Variants in SH3GLB2 observed in about 807,000 individuals in gnomAD.
SH3GLB2 encodes endophilin-B2.
SH3GLB2 carries 24 observed loss-of-function variants against 48.0 expected under a neutral mutation model. That is an observed-to-expected ratio of 0.50 (90% CI 0.36 to 0.70). The LOEUF is 0.70. Ranked by LOEUF, SH3GLB2 falls within the 30% of genes least tolerant of loss-of-function variation. The pLI is 0.00. For synonymous variants in SH3GLB2, 227 were observed against 207.6 expected, an observed-to-expected ratio of 1.09 and a Z score of -0.80; for missense variants, 425 against 516.0, an observed-to-expected ratio of 0.82 and a Z score of 1.71.
intron 5 of SH3GLB2, chr9:129,013,899 A>T: frequency 2.6e-6 from 1 of 379,880 alleles, no homozygotes; most frequent in South Asian, 1.9e-5. Context: ...GCTGGGAGTG[A>T]AGGGGGCGCC....
intron 1 of SH3GLB2, among the ~76,000 whole-genome samples, chr9:129,027,548 A>G (rs1844230970): frequency 6.6e-6 from 1 of 152,144 alleles, no homozygotes; most frequent in East Asian, 1.9e-4. Flanking sequence ...AGGCCCAGGG[A>G]CCAAGGAAAC....
chr9:129,010,792 T>C, intron 6 of SH3GLB2, 99 bp from the exon 7 acceptor site: 1 of 1,413,536 alleles, frequency 7.1e-7, no homozygotes. Flanking sequence ...ACTCAACTTC[T>C]GCCCCCCTGC....
chr9:129,024,797 C>A (rs1029057433), intron 1 of SH3GLB2, among the ~76,000 whole-genome samples: 1 of 151,426 alleles, frequency 6.6e-6, no homozygotes, highest in Admixed American at 6.6e-5. Flanking sequence ...GGTGAAACCC[C>A]ATCTCTACTA....
chr9:129,022,144 C>T, intron 2 of SH3GLB2, 138 bp downstream of exon 2: 1 of 1,337,610 alleles, frequency 7.5e-7, no homozygotes, highest in Non-Finnish European at 1.0e-6. Flanking sequence ...TGTCCCTCTT[C>T]AACAGCCTTG....
At chr9:129,009,401 G>A in intron 9 of SH3GLB2, 55 bp from the exon 10 acceptor site, 2 of 1,550,606 alleles carry the variant, frequency 1.3e-6, no homozygotes, top group South Asian at 2.4e-5. Flanking sequence ...GACCCCAGAG[G>A]CAAACTCCCC....
chr9:129,010,625 G>A (rs781199312), intron 7 of SH3GLB2, 45 bp downstream of exon 7: 5 of 1,605,838 alleles, frequency 3.1e-6, no homozygotes, highest in South Asian at 1.1e-5. Context: ...CCTGCACCCC[G>A]CCACCCCTTC....
intron 1 of SH3GLB2, 37 bp downstream of exon 1, chr9:129,028,055 C>G (rs1027218520): frequency 6.7e-7 from 1 of 1,492,992 alleles, no homozygotes; most frequent in Non-Finnish European, 8.9e-7. Flanking sequence ...CGCCGCACAT[C>G]CGGGCCCCCG....
At position 129,009,804 on chromosome 9, in the gene SH3GLB2, C is replaced by T. The variant is rs780663644; in HGVS notation, c.806G>A (p.Arg269His). 42 of 1,613,752 alleles carry T rather than the reference C, an allele frequency of 2.6e-5. No individual in the cohort carries two copies. Among genetic ancestry groups the T allele is most frequent in the Admixed American group, 5.0e-5 (3 of 59,948 alleles). ...CTGCTTCTGCAAGTCCAGCATGTGGCGGTAGCACTGTGCGTAGTAGGTTGT... is the reference window on the plus strand; with the variant it reads ...CTGCTTCTGCAAGTCCAGCATGTGGTGGTAGCACTGTGCGTAGTAGGTTGT... ...SQTTYYAQCY[R>H]HMLDLQKQLG... Residue 269 changes from arginine to histidine, a missense_variant, in exon 9 of 11, where the codon CGC (arginine) becomes CAC (histidine). Coordinates refer to ENST00000372564, the MANE Select transcript of SH3GLB2 (RefSeq NM_020145.4).
chr9:129,013,897 T>A (rs1033595420), intron 5 of SH3GLB2: 2 of 367,556 alleles, frequency 5.4e-6, no homozygotes, highest in Non-Finnish European at 1.1e-5. Flanking sequence ...GAGCTGGGAG[T>A]GAAGGGGGCG....
chr9:129,026,605 G>A (rs1415984132), intron 1 of SH3GLB2, among the ~76,000 whole-genome samples: 1 of 151,962 alleles, frequency 6.6e-6, no homozygotes, highest in African/African-American at 2.4e-5. Context: ...CAGTGACCCT[G>A]TGGGGCAGCT....
At position 129,014,342 on chromosome 9, in the gene SH3GLB2, T is replaced by C; in HGVS notation, c.561+69A>G. 1 of 1,434,010 alleles carries C rather than the reference T, an allele frequency of 7.0e-7. No homozygotes were observed. Among genetic ancestry groups the C allele is most frequent in the Non-Finnish European group, 9.5e-7 (1 of 1,047,552 alleles). 88.8% of individuals were successfully genotyped at this position (1,434,010 alleles called of 1,614,324 possible). ...AGGTCATGCCAAATACCAGGTCCCT[T>C]CATGCCACCACCCCTTGGCTCCAGC... On this transcript the variant is annotated intron_variant, in intron 5 of 10. Transcript: ENST00000372564. The surrounding 1 kb of genome is among the most constrained non-coding windows in gnomAD (Gnocchi z 4.1).
In SH3GLB2 at chr9:129,007,869, C is replaced by T. The variant is rs1309178098; in HGVS notation, c.*815G>A. ...AGGAACAGCACTGCCCTCTGAGAGGCACAGGCCCCGCAGAAGACAGGGAGG... is the reference window on the plus strand; with the variant it reads ...AGGAACAGCACTGCCCTCTGAGAGGTACAGGCCCCGCAGAAGACAGGGAGG... On this transcript the variant is annotated 3_prime_UTR_variant, in exon 11 of 11. Transcript: ENST00000372564. 4.6e-5 allele frequency: 7 copies of T among 152,236 alleles called. No individual in the cohort carries two copies. The highest frequency in any genetic ancestry group is 1.7e-4 in the African/African-American group (7 of 41,454). The allele number at this position is 152,236 out of a possible 1,614,324, so 9.4% of individuals were successfully genotyped here.
chr9:129,018,038 G>C (rs925166229), intron 3 of SH3GLB2, among the ~76,000 whole-genome samples: 4 of 152,100 alleles, frequency 2.6e-5, no homozygotes, highest in Non-Finnish European at 4.4e-5. Flanking sequence ...CTTGCAGTGA[G>C]CCCAGATGGC....
Position 129,011,580 on chromosome 9 carries a change from C to T in SH3GLB2, c.624+656G>A, listed in dbSNP as rs1043708620. 2 of 152,322 alleles carry T rather than the reference C, an allele frequency of 1.3e-5. No homozygotes were observed. Among genetic ancestry groups the T allele is most frequent in the African/African-American group, 4.8e-5 (2 of 41,380 alleles). 9.4% of individuals were successfully genotyped at this position (152,322 alleles called of 1,614,324 possible). On this transcript the variant is annotated intron_variant, in intron 6 of 10. Coordinates refer to ENST00000372564, the MANE Select transcript of SH3GLB2 (RefSeq NM_020145.4). The surrounding 1 kb of genome is among the most constrained non-coding windows in gnomAD (Gnocchi z 4.5). ...GACAAGCATGAGGGAGAGGTGTGGC[C>T]TAGTCCCCAAACTACATAGGAAACA...
intron 1 of SH3GLB2, among the ~76,000 whole-genome samples, chr9:129,024,584 G>T (rs936632777): frequency 1.3e-5 from 2 of 151,216 alleles, no homozygotes; most frequent in Admixed American, 1.3e-4. Flanking sequence ...TTAGCTGGGC[G>T]TGGTGGCACC....
At position 129,010,216 on chromosome 9, in the gene SH3GLB2, A is replaced by G. The variant is rs1225703498; in HGVS notation, c.649-7T>C. The G allele has an allele frequency of 6.2e-7, 1 of 1,612,260 alleles. No individual in the cohort carries two copies. The highest frequency in any genetic ancestry group is 1.7e-5 in the Admixed American group (1 of 59,974). On this transcript the variant is annotated splice_polypyrimidine_tract_variant and splice_region_variant and intron_variant, in intron 7 of 10. Coordinates refer to ENST00000372564, the MANE Select transcript of SH3GLB2 (RefSeq NM_020145.4). ...CGCGGAGCTCCTGCTCGGCCTGGGC[A>G]GGGCAGGGCAGCCATGAGCACCCAC...
rs1843113679 is a variant in SH3GLB2 at position 129,011,400 on chromosome 9, T to A, written c.625-707A>T. On this transcript the variant is annotated intron_variant, in intron 6 of 10. Coordinates refer to ENST00000372564, the MANE Select transcript of SH3GLB2 (RefSeq NM_020145.4). The surrounding 1 kb of genome is among the most constrained non-coding windows in gnomAD (Gnocchi z 4.5). Reference sequence around the variant, plus strand: ...CGTCCAGGAGCACTGGAAGTTGCTGTGAGAGCCAACTAGGGTTGGCGGCCT... The same window carrying A: ...CGTCCAGGAGCACTGGAAGTTGCTGAGAGAGCCAACTAGGGTTGGCGGCCT... 6.6e-6 allele frequency: 1 copy of A among 152,090 alleles called. No individual in the cohort carries two copies. The highest frequency in any genetic ancestry group is 1.5e-5 in the Non-Finnish European group (1 of 68,082). The allele number at this position is 152,090 out of a possible 1,614,324, so 9.4% of individuals were successfully genotyped here. A position where few individuals can be genotyped will look rare whatever the true frequency, so the allele number is the denominator to read the frequency against.
intron 2 of SH3GLB2, 75 bp from the exon 3 acceptor site, chr9:129,021,294 C>T: frequency 6.8e-7 from 1 of 1,469,734 alleles, no homozygotes; most frequent in Non-Finnish European, 9.0e-7. Flanking sequence ...CAGACCCAGA[C>T]CCGGCCCTGC....
At chr9:129,012,020 A>T (rs1330548297) in intron 6 of SH3GLB2, 1 of 396,416 alleles carries the variant, frequency 2.5e-6, no homozygotes, top group South Asian at 1.4e-4. Context: ...GCAGAGGGAA[A>T]CAAGTCCAGC....
Sources: allele counts gnomAD v4.1 joint callset (sites outside exome capture counted in the v4.1 genomes callset), GRCh38; gene constraint gnomAD v4.1.1; non-coding constraint Gnocchi (gnomAD v3.1); transcripts MANE v1.5; gene names NCBI Gene and HGNC (gene_info 2026-07-23, HGNC 2026-07-21).